Variants in CELF2 observed in about 807,000 individuals in gnomAD.
CELF2 encodes the protein CUG triplet repeat RNA-binding protein 2.
A neutral mutation model predicts 62.6 loss-of-function variants in CELF2; 8 were observed. The ratio of observed to expected loss-of-function variants is 0.13; its 90% CI spans 0.07 to 0.23. The LOEUF (loss-of-function observed/expected upper bound fraction) is 0.23, where lower values mean the gene tolerates loss of function less well. Ranked by LOEUF, CELF2 falls within the 10% of genes least tolerant of loss-of-function variation. The probability of loss-of-function intolerance (pLI) is 1.00; values close to 1 mark genes in which losing one functional copy is unlikely to be tolerated. For synonymous variants in CELF2, 258 were observed against 250.0 expected (o/e 1.03, Z -0.30); for missense variants, 333 against 671.0 (o/e 0.50, Z 5.56).
At chr10:10,638,337 A>G in the CELF2 span, among the ~76,000 whole-genome samples, 1 of 151,042 alleles carries the variant, frequency 6.6e-6, no homozygotes, top group Admixed American at 6.6e-5. Context: ...AATAATTCCT[A>G]CATGAACCCA....
At chr10:11,025,223 G>GTA in intron 1 of CELF2, among the ~76,000 whole-genome samples, 1 of 84,644 alleles carries the variant, frequency 1.2e-5, no homozygotes, top group Non-Finnish European at 3.0e-5. Context: ...GTGTGTGTGT[G>GTA]TGTGTGTGTG....
At position 10,990,432 on chromosome 10, in the gene CELF2, A is replaced by T. The variant is rs1160202406; in HGVS notation, c.89+70433A>T. ...TAGATAATTTTTCTTCTTTATACTT[A>T]TCTGTGTTTCTGAGCATTATTATGA... is the stretch of plus-strand genomic sequence containing the variant. On this transcript the variant is annotated intron_variant, in intron 2 of 13. Transcript: ENST00000636488. The surrounding 1 kb of genome is among the most constrained non-coding windows in gnomAD (Gnocchi z 4.6). Among the ~76,000 whole-genome samples, 1 of 151,924 alleles carries T rather than the reference A, an allele frequency of 6.6e-6. No homozygotes were observed. The highest frequency in any genetic ancestry group is 1.5e-5 in the Non-Finnish European group (1 of 67,932).
chr10:10,696,158 TG>T, the CELF2 span, among the ~76,000 whole-genome samples: 1 of 152,152 alleles, frequency 6.6e-6, no homozygotes, highest in Admixed American at 6.5e-5. Context: ...TCTTTGATGA[TG>T]GTGATGTACA....
At chr10:10,939,389 G>T (rs942767044) in intron 2 of CELF2, among the ~76,000 whole-genome samples, 2 of 152,032 alleles carry the variant, frequency 1.3e-5, no homozygotes, top group Non-Finnish European at 2.9e-5. Flanking sequence ...GGGTTCGAGC[G>T]ATTCTCTTGC....
intron 8 of CELF2, 29 bp from the exon 9 acceptor site, chr10:11,288,389 C>G: frequency 6.2e-7 from 1 of 1,612,116 alleles, no homozygotes; most frequent in Non-Finnish European, 8.5e-7. Flanking sequence ...AGGCCTGTTG[C>G]TGAAAGTAAC....
intron 3 of CELF2, among the ~76,000 whole-genome samples, chr10:11,239,648 G>A (rs1400506614): frequency 6.6e-6 from 1 of 152,244 alleles, no homozygotes. Context: ...CTGGTTGGGA[G>A]AAGGGGATAT....
intron 1 of CELF2, among the ~76,000 whole-genome samples, chr10:11,133,521 A>G (rs561004245): frequency 2.2e-4 from 34 of 152,352 alleles, no homozygotes; most frequent in African/African-American, 7.7e-4. Context: ...GGAAAGTTGT[A>G]CATACGTATA....
At position 11,288,533 on chromosome 10, in the gene CELF2, G is replaced by A; in HGVS notation, c.957G>A (p.Leu319=). 6.2e-7 allele frequency: 1 copy of A among 1,613,854 alleles called. No homozygotes were observed. Among genetic ancestry groups the A allele is most frequent in the South Asian group, 1.1e-5 (1 of 91,074 alleles). Reference sequence around the variant, plus strand: ...CTCTCTCTACCACGAGCAGCGCCCTGGGAGCCCTCACGAGTCCCGGTGAGT... The same window carrying A: ...CTCTCTCTACCACGAGCAGCGCCCTAGGAGCCCTCACGAGTCCCGGTGAGT... ...ANPLSTTSSA[L]GALTSPVAAS... Residue 319 remains leucine, a synonymous_variant, in exon 9 of 13, where the codon CTG becomes CTA. Coordinates refer to ENST00000633077, the MANE Select transcript of CELF2 (RefSeq NM_001326342.2).
Position 11,177,434 on chromosome 10 carries a change from A to AG in CELF2, c.271+11752_271+11753insG, listed in dbSNP as rs1020508931. ...GCATGTGTGAATTAAAAAAAAAAAAAAGAGAAAATTAGGTTATTAAAAGGA... is the reference window on the plus strand; with the variant it reads ...GCATGTGTGAATTAAAAAAAAAAAAAGAGAGAAAATTAGGTTATTAAAAGGA... On this transcript the variant is annotated intron_variant, in intron 2 of 12. Coordinates refer to ENST00000633077, the MANE Select transcript of CELF2 (RefSeq NM_001326342.2). This position sits in a 1 kb window ranked among gnomAD's most constrained non-coding sequence, Gnocchi z 4.8. Among the ~76,000 whole-genome samples the AG allele has an allele frequency of 6.9e-4, 105 of 151,898 alleles. No individual in the cohort carries two copies. In the East Asian group the frequency reaches 0.013, roughly 19 times the overall value.
the CELF2 span, among the ~76,000 whole-genome samples, chr10:10,567,926 A>G: frequency 2.0e-5 from 3 of 152,172 alleles, no homozygotes; most frequent in Non-Finnish European, 2.9e-5. Flanking sequence ...CAAAACTCCT[A>G]CAATCCATGA....
At chr10:10,937,381 T>G (rs1377716801) in intron 2 of CELF2, 1 of 152,216 alleles carries the variant, frequency 6.6e-6, no homozygotes, top group East Asian at 1.9e-4. Flanking sequence ...TCCGTCCACC[T>G]TGGCCTCCCA....
the CELF2 span, among the ~76,000 whole-genome samples, chr10:10,637,117 C>T: frequency 6.6e-6 from 1 of 152,120 alleles, no homozygotes; most frequent in Non-Finnish European, 1.5e-5. Context: ...ACCAGTCTTC[C>T]AACCCAGCTA....
the CELF2 span, among the ~76,000 whole-genome samples, chr10:10,705,518 G>A: frequency 6.6e-6 from 1 of 152,132 alleles, no homozygotes; most frequent in African/African-American, 2.4e-5. Flanking sequence ...GAAGTGTGGG[G>A]TAAAGAAATT....
At chr10:11,040,178 G>A (rs908838485) in intron 1 of CELF2, among the ~76,000 whole-genome samples, 13 of 152,134 alleles carry the variant, frequency 8.5e-5, no homozygotes, top group African/African-American at 2.9e-4. Context: ...AGGAAAGGGT[G>A]GCATTTCATT....
chr10:11,091,517 T>C (rs1175319468), intron 1 of CELF2, among the ~76,000 whole-genome samples: 13 of 152,204 alleles, frequency 8.5e-5, no homozygotes, highest in Non-Finnish European at 1.9e-4. Context: ...TCAATGCCTT[T>C]CCTCATTTTT....
chr10:11,214,703 G>A lies in CELF2; in HGVS notation c.272-2722G>A, dbSNP rs576010147. 1.2e-4 allele frequency among the ~76,000 whole-genome samples: 18 copies of A among 152,328 alleles called. No individual in the cohort carries two copies. The highest frequency in any genetic ancestry group is 1.0e-3 in the South Asian group (5 of 4,824). On this transcript the variant is annotated intron_variant, in intron 2 of 12. Coordinates refer to ENST00000633077, the MANE Select transcript of CELF2 (RefSeq NM_001326342.2). This position sits in a 1 kb window ranked among gnomAD's most constrained non-coding sequence, Gnocchi z 4.2. ...AGTGTTACCTACGGTATCCTCCTGC[G>A]TGTCACACTGGAACTAGAGCTTCTC...
At chr10:10,543,601 C>A in the CELF2 span, among the ~76,000 whole-genome samples, 1 of 152,136 alleles carries the variant, frequency 6.6e-6, no homozygotes, top group South Asian at 2.1e-4. Context: ...AATCCCAGCA[C>A]TTTGGGAGGT....
chr10:10,840,176 G>A (rs578170450), intron 1 of CELF2, among the ~76,000 whole-genome samples: 11 of 152,286 alleles, frequency 7.2e-5, no homozygotes, highest in African/African-American at 1.2e-4. Flanking sequence ...ATATTCATGC[G>A]CAGGTTTTTA....
chr10:10,913,858 A>AGAAGGAAGGAAGGAAG (rs71378770), intron 1 of CELF2, among the ~76,000 whole-genome samples: 24,044 of 100,734 alleles, frequency 0.24, 3,782 homozygotes, highest in South Asian at 0.33. Context: ...AGGGAAGGAG[A>AGAAGGAAGGAAGGAAG]GAAGGAAGGA....
Sources: gnomAD v4.1 joint callset for allele counts (sites outside exome capture counted in the v4.1 genomes callset) on GRCh38, gnomAD v4.1.1 for gene constraint, Gnocchi (gnomAD v3.1) non-coding constraint, MANE v1.5 for transcripts, NCBI Gene and HGNC (gene_info 2026-07-23, HGNC 2026-07-21) for gene names.